The following RB1CC1 variants were observed in gnomAD, a reference collection of about 807,000 sequenced individuals.
RB1CC1 encodes the protein RB1-inducible coiled-coil protein 1.
In RB1CC1, 46 loss-of-function variants were observed where a neutral mutation model predicts 177.5. That is an observed-to-expected ratio of 0.26 (90% CI 0.20 to 0.33). The LOEUF (loss-of-function observed/expected upper bound fraction) is 0.33, where lower values mean the gene tolerates loss of function less well. RB1CC1 is among the 10% of genes least tolerant of loss of function. RB1CC1 has a pLI of 1.00. For synonymous variants in RB1CC1, 666 were observed against 613.6 expected (o/e 1.09, Z -1.26); for missense variants, 1,703 against 1,816.3 (o/e 0.94, Z 1.13).
At chr8:52,666,581 G>A (rs1219940627) in intron 8 of RB1CC1, among the ~76,000 whole-genome samples, 2 of 151,844 alleles carry the variant, frequency 1.3e-5, no homozygotes, top group East Asian at 3.9e-4. Context: ...CACAGGAACA[G>A]GCAATACAGT....
At chr8:52,705,367 C>T (rs1269586111) in intron 1 of RB1CC1, among the ~76,000 whole-genome samples, 4 of 152,136 alleles carry the variant, frequency 2.6e-5, no homozygotes, top group Non-Finnish European at 5.9e-5. Flanking sequence ...TCTGGAGGTA[C>T]ATATTCACTA....
chr8:52,624,579 C>A, intron 23 of RB1CC1, 138 bp downstream of exon 23: 1 of 697,474 alleles, frequency 1.4e-6, no homozygotes, highest in South Asian at 1.8e-5. Context: ...CCAGTTCAAA[C>A]TCACTCTCAT....
chr8:52,693,156 A>G (rs947262280), intron 1 of RB1CC1, among the ~76,000 whole-genome samples: 4 of 152,244 alleles, frequency 2.6e-5, no homozygotes, highest in Non-Finnish European at 4.4e-5. Context: ...TGTAAAACCC[A>G]AAACTATGAA....
At chr8:52,708,677 T>C (rs1856799515) in intron 1 of RB1CC1, among the ~76,000 whole-genome samples, 1 of 152,172 alleles carries the variant, frequency 6.6e-6, no homozygotes, top group South Asian at 2.1e-4. Context: ...AATTCTCTTA[T>C]CTGGGGGGAA....
At chr8:52,683,827 A>C in intron 4 of RB1CC1, 60 bp downstream of exon 4, 1 of 1,591,734 alleles carries the variant, frequency 6.3e-7, no homozygotes, top group Non-Finnish European at 8.6e-7. Flanking sequence ...TTGAACACTG[A>C]GTTCCCAATG....
chr8:52,714,024 C>G, intron 1 of RB1CC1, 51 bp downstream of exon 1: 1 of 329,470 alleles, frequency 3.0e-6, no homozygotes, highest in Non-Finnish European at 6.1e-6. Context: ...GCCCGCCGCG[C>G]GACCGCTGTG....
rs753640053 is a variant in RB1CC1, at chr8:52,656,245, T to C, written c.3584A>G (p.Asp1195Gly). Reference protein sequence around the residue: ...SELSALERQKDEKITQQEEKY... With the variant: ...SELSALERQKGEKITQQEEKY... The stretch of plus-strand genomic sequence containing the variant: ...CTCTTCTTGTTGGGTAATTTTTTCA[T>C]CTTTTTGTCTTTCAAGAGCACTCAA... Residue 1195 changes from aspartate (D) to glycine (G), a missense_variant, in exon 15 of 24, where the codon GAT becomes GGT. Asp to Gly is a moderately conservative substitution (Grantham distance 94). Coordinates refer to ENST00000025008, the MANE Select transcript of RB1CC1 (RefSeq NM_014781.5). 5 of 1,613,148 alleles carry C rather than the reference T, an allele frequency of 3.1e-6. No homozygotes were observed. The highest frequency in any genetic ancestry group is 4.2e-6 in the Non-Finnish European group (5 of 1,179,786).
rs143102753 is a variant in RB1CC1, at chr8:52,690,767, G to A, written c.-166-3800C>T. On this transcript the variant is annotated intron_variant, in intron 1 of 23. Transcript: ENST00000025008. ...TACAAGAATAGTACAAAGAACTCCC[G>A]TCCCCCTTACTCAGATCACCAACTG... is the stretch of plus-strand genomic sequence containing the variant. Among the ~76,000 whole-genome samples the A allele has an allele frequency of 5.7e-3, 865 of 152,058 alleles. 7 individuals are homozygous for A. Among genetic ancestry groups the A allele is most frequent in the African/African-American group, 0.02 (821 of 41,468 alleles).
At chr8:52,635,179 G>T (rs537674743) in intron 19 of RB1CC1, among the ~76,000 whole-genome samples, 10 of 152,212 alleles carry the variant, frequency 6.6e-5, no homozygotes, top group Admixed American at 5.9e-4. Context: ...ATTTACCAAG[G>T]ACTGTCAAAC....
intron 13 of RB1CC1, 56 bp downstream of exon 13, chr8:52,658,817 G>T: frequency 7.7e-7 from 1 of 1,291,486 alleles, no homozygotes; most frequent in Non-Finnish European, 1.1e-6. Context: ...CACAACTCCA[G>T]AATAATAAAA....
In RB1CC1 at chr8:52,645,780, T is replaced by C. The variant is rs764708278; in HGVS notation, c.3909A>G (p.Leu1303=). 3.7e-6 allele frequency: 6 copies of C among 1,611,318 alleles called. 1 individual carries two copies. The highest frequency in any genetic ancestry group is 5.1e-6 in the Non-Finnish European group (6 of 1,179,266). ...TTTTTTCTTGCTCTTCAAGTTGTTC[T>C]AGAAACTTAGCTTTTTCTTCCTGAA... ...EKLQEEKAKF[L]EQLEEQEKRK... is the part of the protein sequence containing the mutation. Residue 1303 remains leucine, a synonymous_variant, in exon 16 of 24, where the codon CTA becomes CTG. Transcript: ENST00000025008.
In RB1CC1 at chr8:52,683,961, G is replaced by A. The variant is rs1353719715; in HGVS notation, c.124C>T (p.His42Tyr). The A allele has an allele frequency of 6.2e-7, 1 of 1,614,070 alleles. No homozygotes were observed. Among genetic ancestry groups the A allele is most frequent in the Non-Finnish European group, 8.5e-7 (1 of 1,180,004 alleles). ...CCTCCATTGACCACCAGCACCTGGT[G>A]TTGAATAGCAATCTTGTATTTGCTT... ...IQSKYKIAIQ[H>Y]QVLVVNGGEC... The change falls in exon 4 of 24, where the codon CAC becomes TAC. Residue 42 changes from histidine (H) to tyrosine (Y), a missense_variant. Physicochemically the swap from His to Tyr is moderately conservative, Grantham distance 83. Around this residue, in one of 6 missense-constraint regions of RB1CC1, gnomAD observed 118 missense variants for 121.2 expected, o/e 0.97. Coordinates refer to ENST00000025008, the MANE Select transcript of RB1CC1 (RefSeq NM_014781.5).
At chr8:52,682,192 A>G (rs1853815267) in intron 5 of RB1CC1, among the ~76,000 whole-genome samples, 1 of 152,180 alleles carries the variant, frequency 6.6e-6, no homozygotes, top group Non-Finnish European at 1.5e-5. Context: ...TGAGACCTGG[A>G]GTCAAAGGAG....
chr8:52,657,357 T>G lies in RB1CC1; in HGVS notation c.2472A>C (p.Thr824=). 6.2e-7 allele frequency: 1 copy of G among 1,614,028 alleles called. No individual in the cohort carries two copies. Among genetic ancestry groups the G allele is most frequent in the Non-Finnish European group, 8.5e-7 (1 of 1,179,960 alleles). Residue 824 remains threonine, a synonymous_variant, in exon 15 of 24, where the codon ACA becomes ACC. Transcript: ENST00000025008. ...TIKEDLCHFR[T]FVQKEQCDFS... ...AGTCACACTGTTCTTTTTGTACAAA[T>G]GTTCTAAAGTGGCAAAGGTCTTCCT...
chr8:52,654,498 G>C (rs1850910367), intron 15 of RB1CC1, among the ~76,000 whole-genome samples: 1 of 152,216 alleles, frequency 6.6e-6, no homozygotes, highest in Non-Finnish European at 1.5e-5. Flanking sequence ...GATTGAGTCA[G>C]ACTGGTGCTT....
intron 1 of RB1CC1, among the ~76,000 whole-genome samples, chr8:52,709,703 C>CGA (rs746558119): frequency 6.6e-6 from 1 of 152,220 alleles, no homozygotes; most frequent in African/African-American, 2.4e-5. Context: ...ACACCATTGC[C>CGA]TGTCGCCTGC....
chr8:52,661,481 A>T, intron 9 of RB1CC1, 54 bp downstream of exon 9: 1 of 1,504,246 alleles, frequency 6.6e-7, no homozygotes, highest in Non-Finnish European at 8.9e-7. Flanking sequence ...TGGGAGAAAT[A>T]AATATAAATA....
chr8:52,683,068 G>T (rs1853916005), intron 5 of RB1CC1, among the ~76,000 whole-genome samples: 1 of 152,036 alleles, frequency 6.6e-6, no homozygotes, highest in African/African-American at 2.4e-5. Flanking sequence ...TTACTAGAAG[G>T]TAAATAGTAA....
At position 52,636,034 on chromosome 8, in the gene RB1CC1, C is replaced by T. The variant is rs772058383; in HGVS notation, c.4373G>A (p.Arg1458Gln). 3.3e-5 allele frequency: 53 copies of T among 1,606,992 alleles called. No individual in the cohort carries two copies. The highest frequency in any genetic ancestry group is 6.7e-5 in the African/African-American group (5 of 74,576). The change falls in exon 19 of 24, where the codon CGG (arginine) becomes CAG (glutamine). Residue 1458 changes from arginine (R) to glutamine (Q), a missense_variant. Around this residue, in one of 6 missense-constraint regions of RB1CC1, gnomAD observed 1,169 missense variants for 1,184.7 expected, o/e 0.99. Transcript: ENST00000025008. ...ACTTACTCGTTCTAACAGCATTATC[C>T]GCTGTTTTTCTTCAGACAACATATG... Reference protein sequence around the residue: ...NIHMLSEEKQRIMLLERTLQL... With the variant: ...NIHMLSEEKQQIMLLERTLQL...
Sources: allele counts gnomAD v4.1 joint callset (sites outside exome capture counted in the v4.1 genomes callset), GRCh38; gene constraint gnomAD v4.1.1; regional missense constraint gnomAD v4.1.1; transcripts MANE v1.5; gene names NCBI Gene and HGNC (gene_info 2026-07-23, HGNC 2026-07-21).